ELF1: variants seen among roughly 807,000 people sequenced by gnomAD.
ELF1 encodes the protein ETS-related transcription factor Elf-1.
ELF1 carries 24 observed loss-of-function variants against 59.9 expected under a neutral mutation model. The observed-to-expected ratio is 0.40, with a 90% CI of 0.29 to 0.56. ELF1 has a LOEUF of 0.56. Among genes scored for constraint, ELF1 ranks in the 20% least tolerant of loss-of-function variants. The pLI is 0.44. For missense variants in ELF1, 627 were observed against 742.2 expected (o/e 0.84, Z 1.80); for synonymous variants, 248 against 266.2 (o/e 0.93, Z 0.67).
chr13:40,952,242 G>A (rs1327556429), intron 3 of ELF1, among the ~76,000 whole-genome samples: 1 of 151,872 alleles, frequency 6.6e-6, no homozygotes, highest in Non-Finnish European at 1.5e-5. Context: ...CATATCTGGA[G>A]GCTTGATGAA....
rs1335820055 is a variant in ELF1 at position 40,941,078 on chromosome 13, C to T, written c.1099G>A (p.Val367Ile). The T allele has an allele frequency of 6.2e-7, 1 of 1,614,206 alleles. No homozygotes were observed. The highest frequency in any genetic ancestry group is 1.7e-5 in the Admixed American group (1 of 60,022). Reference protein sequence around the residue: ...DPVEVAQPSEVLRTVQPTQSP... With the variant: ...DPVEVAQPSEILRTVQPTQSP... ...TGCGTGGGCTGCACTGTCCTCAAAA[C>T]TTCTGATGGTTGTGCAACTTCCACA... is the stretch of plus-strand genomic sequence containing the variant. Residue 367 changes from valine (V) to isoleucine (I), a missense_variant, in exon 8 of 9, where the codon GTT becomes ATT. Physicochemically the swap from Val to Ile is conservative, Grantham distance 29. This residue lies in a region of ELF1 where 361 missense variants were observed against 396.1 expected (regional missense o/e 0.91). Transcript: ENST00000239882.
chr13:40,977,091 CATATA>C (rs1425652000), intron 2 of ELF1, among the ~76,000 whole-genome samples: 2 of 151,856 alleles, frequency 1.3e-5, no homozygotes, highest in Non-Finnish European at 2.9e-5. Context: ...GTGTTTTTTT[CATATA>C]ATATATCAAA....
At position 40,943,122 on chromosome 13, in the gene ELF1, C is replaced by G. The variant is rs1233417858; in HGVS notation, c.636G>C (p.Glu212Asp). The G allele has an allele frequency of 6.5e-7, 1 of 1,528,600 alleles. No individual in the cohort carries two copies. Among genetic ancestry groups the G allele is most frequent in the East Asian group, 2.3e-5 (1 of 44,078 alleles). 94.7% of individuals were successfully genotyped at this position (1,528,600 alleles called of 1,614,324 possible). A position where few individuals can be genotyped will look rare whatever the true frequency, so the allele number is the denominator to read the frequency against. ...DGKGNTIYLWEFLLALLQDKA... is the reference protein window; with the variant it reads ...DGKGNTIYLWDFLLALLQDKA... ...TGTCCTGGAGCAGTGCCAGTAAAAA[C>G]TCCCAAAGATAAATTGTGTTTCCTG... Residue 212 changes from glutamate to aspartate, a missense_variant, in exon 7 of 9, where the codon GAG becomes GAC. Physicochemically the swap from Glu to Asp is conservative, Grantham distance 45 (BLOSUM62 2). Transcript: ENST00000239882.
intron 1 of ELF1, among the ~76,000 whole-genome samples, chr13:41,003,973 C>T (rs9566655): frequency 0.18 from 27,911 of 151,848 alleles, 2,735 homozygotes; most frequent in East Asian, 0.26. Flanking sequence ...TAAAGGCAAC[C>T]TGTAGAAAAG....
intron 1 of ELF1, among the ~76,000 whole-genome samples, chr13:40,982,547 T>C (rs1167418050): frequency 1.5e-5 from 2 of 132,362 alleles, no homozygotes; most frequent in Non-Finnish European, 3.2e-5. Context: ...AAGTACTCAA[T>C]ATTAAAAAAA....
At chr13:41,033,316 GAC>G (rs1351694401) in intron 1 of ELF1, among the ~76,000 whole-genome samples, 2 of 152,144 alleles carry the variant, frequency 1.3e-5, no homozygotes, top group African/African-American at 4.8e-5. Flanking sequence ...CTGTGAAAGG[GAC>G]AGTTATAATC....
chr13:41,050,958 C>G (rs1877064279), intron 1 of ELF1, among the ~76,000 whole-genome samples: 1 of 152,196 alleles, frequency 6.6e-6, no homozygotes, highest in Admixed American at 6.5e-5. Flanking sequence ...TCTTCACATC[C>G]TTGCCAATAC....
At chr13:40,938,709 A>G (rs941114301) in intron 8 of ELF1, among the ~76,000 whole-genome samples, 4 of 152,012 alleles carry the variant, frequency 2.6e-5, no homozygotes, top group Admixed American at 6.6e-5. Flanking sequence ...TTGTTGTTAT[A>G]TTAATAATTT....
At chr13:41,014,968 T>C (rs1875272159) in intron 1 of ELF1, among the ~76,000 whole-genome samples, 1 of 152,092 alleles carries the variant, frequency 6.6e-6, no homozygotes, top group South Asian at 2.1e-4. Context: ...GTACATACTA[T>C]TGTGCTAGTC....
At chr13:40,971,343 C>T (rs143747811) in intron 2 of ELF1, among the ~76,000 whole-genome samples, 1 of 152,110 alleles carries the variant, frequency 6.6e-6, no homozygotes, top group African/African-American at 2.4e-5. Context: ...CTGCAGCCCC[C>T]ACCTCCCAGG....
At chr13:41,024,411 T>C (rs1421819537) in intron 1 of ELF1, among the ~76,000 whole-genome samples, 1 of 151,872 alleles carries the variant, frequency 6.6e-6, no homozygotes, top group South Asian at 2.1e-4. Context: ...CGTAAAGCAA[T>C]TTCTGCCTCC....
At chr13:40,990,345 G>A (rs1376140911) in intron 1 of ELF1, among the ~76,000 whole-genome samples, 5 of 152,116 alleles carry the variant, frequency 3.3e-5, no homozygotes, top group African/African-American at 1.2e-4. Context: ...TATTTACCCA[G>A]ATAGTTCAAG....
intron 1 of ELF1, among the ~76,000 whole-genome samples, chr13:40,986,020 A>T (rs1001909277): frequency 0.044 from 8 of 180 alleles, no homozygotes; most frequent in Non-Finnish European, 0.12. Context: ...CCAGATAATA[A>T]AAAAATCTTA....
chr13:41,026,149 A>C (rs1875894406), intron 1 of ELF1, among the ~76,000 whole-genome samples: 1 of 152,194 alleles, frequency 6.6e-6, no homozygotes, highest in African/African-American at 2.4e-5. Flanking sequence ...ATGATAACAC[A>C]TAGCATGTCA....
intron 1 of ELF1, among the ~76,000 whole-genome samples, chr13:41,056,773 AAAGTAACCAG>A (rs1877301287): frequency 6.6e-6 from 1 of 152,244 alleles, no homozygotes; most frequent in African/African-American, 2.4e-5. Context: ...AAAATGTCAT[AAAGTAACCAG>A]AAAGTAACCA....
At chr13:40,989,536 ATTCT>A (rs1457104011) in intron 1 of ELF1, among the ~76,000 whole-genome samples, 3 of 152,226 alleles carry the variant, frequency 2.0e-5, no homozygotes, top group African/African-American at 7.2e-5. Context: ...AAAATTAAGC[ATTCT>A]TTTATTTTTT....
intron 2 of ELF1, among the ~76,000 whole-genome samples, chr13:40,972,024 T>A (rs925219265): frequency 2.0e-5 from 3 of 152,076 alleles, no homozygotes; most frequent in African/African-American, 7.2e-5. Flanking sequence ...TTAATAAATA[T>A]CAGAGTAGTC....
upstream of ELF1, among the ~76,000 whole-genome samples, chr13:41,020,585 G>T (rs1298597298): frequency 6.6e-6 from 1 of 152,070 alleles, no homozygotes; most frequent in Non-Finnish European, 1.5e-5. Flanking sequence ...AGATTGCTTG[G>T]TTTATCCTTT....
At position 40,933,214 on chromosome 13, in the gene ELF1, C is replaced by T. The variant is rs1869525802; in HGVS notation, c.*211G>A. The T allele has an allele frequency of 3.5e-6, 2 of 576,616 alleles. No individual in the cohort carries two copies. The highest frequency in any genetic ancestry group is 5.7e-6 in the Non-Finnish European group (2 of 348,446). 35.7% of individuals were successfully genotyped at this position (576,616 alleles called of 1,614,324 possible). ...AGAATGTCTTCATAGTGTAAAATGC[C>T]TGTTCCTTCACGATTGAATTCTGAA... On this transcript the variant is annotated 3_prime_UTR_variant, in exon 9 of 9. Transcript: ENST00000239882.
Sources: allele counts gnomAD v4.1 joint callset (sites outside exome capture counted in the v4.1 genomes callset), GRCh38; gene constraint gnomAD v4.1.1; regional missense constraint gnomAD v4.1.1; transcripts MANE v1.5; gene names NCBI Gene and HGNC (gene_info 2026-07-23, HGNC 2026-07-21).